FUT8: variants seen among roughly 807,000 people sequenced by gnomAD.
The protein encoded by FUT8 is fucosyltransferase 8, also known as alpha-(1,6)-fucosyltransferase.
FUT8 carries 29 observed loss-of-function variants against 71.3 expected under a neutral mutation model. The observed-to-expected ratio is 0.41, with a 90% CI of 0.30 to 0.55. The LOEUF (loss-of-function observed/expected upper bound fraction) is 0.55. FUT8 is among the 20% of genes least tolerant of loss of function. FUT8 has a pLI of 0.34. For missense variants in FUT8, 544 were observed against 702.1 expected (o/e 0.77, Z 2.55); for synonymous variants, 254 against 239.3 (o/e 1.06, Z -0.57).
intron 2 of FUT8, among the ~76,000 whole-genome samples, chr14:65,530,669 C>T (rs1274844588): frequency 6.6e-6 from 1 of 151,964 alleles, no homozygotes; most frequent in Non-Finnish European, 1.5e-5. Context: ...AGTTACCAGT[C>T]AACTGATGCG....
At position 65,627,638 on chromosome 14, in the gene FUT8, A is replaced by G. The variant is rs962277811; in HGVS notation, c.483-1854A>G. Among the ~76,000 whole-genome samples, 4 of 152,222 alleles carry G rather than the reference A, an allele frequency of 2.6e-5. No individual in the cohort carries two copies. Among genetic ancestry groups the G allele is most frequent in the Non-Finnish European group, 5.9e-5 (4 of 68,048 alleles). ...TGCAGTGTGTTTACTGAAGTTGTGC[A>G]CATGCTCATTTGAGGCTTTTTTTCC... On this transcript the variant is annotated intron_variant, in intron 5 of 10. Transcript: ENST00000673929. This position sits in a 1 kb window ranked among gnomAD's most constrained non-coding sequence, Gnocchi z 4.0.
chr14:65,704,916 T>C (rs1004010098), intron 7 of FUT8, among the ~76,000 whole-genome samples: 2 of 152,238 alleles, frequency 1.3e-5, no homozygotes, highest in East Asian at 1.9e-4. Flanking sequence ...CAGAATATCA[T>C]TGAGATCAGT....
intron 7 of FUT8, among the ~76,000 whole-genome samples, chr14:65,692,999 C>T (rs1893768629): frequency 6.6e-6 from 1 of 151,634 alleles, no homozygotes; most frequent in African/African-American, 2.4e-5. Context: ...GGCGGCCGGG[C>T]AGAGATGCTC....
chr14:65,728,053 A>G (rs1005247407), intron 9 of FUT8, among the ~76,000 whole-genome samples: 1 of 152,110 alleles, frequency 6.6e-6, no homozygotes, highest in Non-Finnish European at 1.5e-5. Context: ...CCCATACTTT[A>G]TTGTCCATAT....
chr14:65,467,524 T>A lies in FUT8; in HGVS notation c.-228+11806T>A, dbSNP rs2066062940. Among the ~76,000 whole-genome samples, 1 of 152,134 alleles carries A rather than the reference T, an allele frequency of 6.6e-6. No individual in the cohort carries two copies. The highest frequency in any genetic ancestry group is 2.4e-5 in the African/African-American group (1 of 41,424). ...CAGAGTCTCACACTGTCGCCCGGGC[T>A]GGAGTGCAGTGGTGTGATCTTGGCT... is the stretch of plus-strand genomic sequence containing the variant. On this transcript the variant is annotated intron_variant, in intron 2 of 10. Coordinates refer to ENST00000673929, the MANE Select transcript of FUT8 (RefSeq NM_001371533.1). This position sits in a 1 kb window ranked among gnomAD's most constrained non-coding sequence, Gnocchi z 4.1.
chr14:65,523,662 A>G (rs1231117564), intron 2 of FUT8, among the ~76,000 whole-genome samples: 2 of 152,164 alleles, frequency 1.3e-5, no homozygotes, highest in African/African-American at 2.4e-5. Context: ...CCTATATCCT[A>G]AATGGTATCG....
At chr14:65,438,441 T>A (rs2065593502) in intron 1 of FUT8, among the ~76,000 whole-genome samples, 1 of 152,202 alleles carries the variant, frequency 6.6e-6, no homozygotes. Context: ...GTATTTGGTA[T>A]TTCCCAGAAG....
Position 65,550,249 on chromosome 14 carries a change from C to T in FUT8, c.-227-11088C>T, listed in dbSNP as rs1432892940. The stretch of plus-strand genomic sequence containing the variant: ...GCAAGAGAGAGAAGGGAGGAGATAC[C>T]AGGCTCTTTTTAACAAGATCATTGT... On this transcript the variant is annotated intron_variant, in intron 2 of 10. Transcript: ENST00000673929. The surrounding 1 kb of genome is among the most constrained non-coding windows in gnomAD (Gnocchi z 4.5). 6.6e-6 allele frequency among the ~76,000 whole-genome samples: 1 copy of T among 152,010 alleles called. No homozygotes were observed. The highest frequency in any genetic ancestry group is 1.9e-4 in the East Asian group (1 of 5,190).
the FUT8 span, among the ~76,000 whole-genome samples, chr14:65,401,971 C>T: frequency 1.5e-4 from 22 of 149,374 alleles, no homozygotes; most frequent in South Asian, 8.5e-4. Context: ...ATGGGGAATG[C>T]GGAAACGTGA....
chr14:65,562,938 C>T (rs909347340), intron 3 of FUT8, among the ~76,000 whole-genome samples: 1 of 152,046 alleles, frequency 6.6e-6, no homozygotes, highest in Non-Finnish European at 1.5e-5. Flanking sequence ...TCTCACTGCC[C>T]TTCACTCTTT....
chr14:65,667,416 A>C (rs1331219152), intron 6 of FUT8, among the ~76,000 whole-genome samples: 2 of 152,272 alleles, frequency 1.3e-5, no homozygotes, highest in East Asian at 3.9e-4. Context: ...ATGCAATCCT[A>C]GTCAAAATTG....
rs575182739 is a variant in FUT8, at chr14:65,483,024, C to T, written c.-228+27306C>T. Among the ~76,000 whole-genome samples the T allele has an allele frequency of 8.5e-5, 13 of 152,234 alleles. No individual in the cohort carries two copies. The highest frequency in any genetic ancestry group is 1.5e-4 in the Non-Finnish European group (10 of 68,026). The stretch of plus-strand genomic sequence containing the variant: ...CAGCAATACCCAGCAACCAGTGACC[C>T]GAGGCCAGCAACTTCTTTTACTTCC... On this transcript the variant is annotated intron_variant, in intron 2 of 10. Coordinates refer to ENST00000673929, the MANE Select transcript of FUT8 (RefSeq NM_001371533.1). The surrounding 1 kb of genome is among the most constrained non-coding windows in gnomAD (Gnocchi z 4.4).
chr14:65,741,975 G>C, intron 10 of FUT8, 118 bp from the exon 11 acceptor site: 1 of 720,750 alleles, frequency 1.4e-6, no homozygotes, highest in Non-Finnish European at 2.3e-6. Flanking sequence ...CTTGTGACTA[G>C]AATCCACTAC....
intron 3 of FUT8, among the ~76,000 whole-genome samples, chr14:65,587,489 G>A (rs1038797852): frequency 1.3e-5 from 2 of 152,220 alleles, no homozygotes; most frequent in Non-Finnish European, 2.9e-5. Flanking sequence ...TGTAGCCACA[G>A]TGTGTCACAA....
chr14:65,549,627 A>G (rs1467386322), intron 2 of FUT8, among the ~76,000 whole-genome samples: 6 of 152,216 alleles, frequency 3.9e-5, no homozygotes, highest in African/African-American at 1.4e-4. Flanking sequence ...ACTGGCCCCA[A>G]AACGGATATT....
intron 1 of FUT8, among the ~76,000 whole-genome samples, chr14:65,425,421 C>G (rs11629437): frequency 0.7 from 104,701 of 150,034 alleles, 36,795 homozygotes; most frequent in East Asian, 0.9. Flanking sequence ...ACCCGCCTCG[C>G]CCTCCCAAAG....
At chr14:65,359,493 ACT>A in the FUT8 span, among the ~76,000 whole-genome samples, 20,406 of 151,510 alleles carry the variant, frequency 0.13, 1,805 homozygotes, top group Non-Finnish European at 0.18. Flanking sequence ...TTCAACACAA[ACT>A]CTCCATTCTC....
At position 65,413,694 on chromosome 14, in the gene FUT8, G is replaced by A. The variant is rs1266660190; in HGVS notation, c.-326+480G>A. ...AGTGCTGCTCGGGCTAGAAAGCAGG[G>A]AGTGGACCCTCACAAAGATCCGCGA... is the stretch of plus-strand genomic sequence containing the variant. On this transcript the variant is annotated intron_variant, in intron 1 of 10. Coordinates refer to ENST00000673929, the MANE Select transcript of FUT8 (RefSeq NM_001371533.1). The surrounding 1 kb of genome is among the most constrained non-coding windows in gnomAD (Gnocchi z 4.1). 6.6e-6 allele frequency among the ~76,000 whole-genome samples: 1 copy of A among 152,236 alleles called. No individual in the cohort carries two copies. The highest frequency in any genetic ancestry group is 2.4e-5 in the African/African-American group (1 of 41,450).
At chr14:65,541,182 G>GC (rs1404019374) in intron 2 of FUT8, among the ~76,000 whole-genome samples, 1 of 152,160 alleles carries the variant, frequency 6.6e-6, no homozygotes. Flanking sequence ...GAGAGGTTGA[G>GC]CCTTTACAAC....
Sources: gnomAD v4.1 joint callset for allele counts (sites outside exome capture counted in the v4.1 genomes callset) on GRCh38, gnomAD v4.1.1 for gene constraint, Gnocchi (gnomAD v3.1) non-coding constraint, MANE v1.5 for transcripts, NCBI Gene and HGNC (gene_info 2026-07-23, HGNC 2026-07-21) for gene names.